The following HCRTR2 variants were observed in gnomAD, a reference collection of about 807,000 sequenced individuals.
HCRTR2 encodes orexin receptor type 2.
In HCRTR2, 22 loss-of-function variants were observed where a neutral mutation model predicts 49.0. The ratio of observed to expected loss-of-function variants is 0.45; its 90% CI spans 0.32 to 0.64. The LOEUF (loss-of-function observed/expected upper bound fraction) is 0.64. HCRTR2 is among the 30% of genes least tolerant of loss of function. The pLI is 0.04. For missense variants in HCRTR2, 491 were observed against 559.4 expected, an observed-to-expected ratio of 0.88 and a Z score of 1.23; for synonymous variants, 236 against 205.3, an observed-to-expected ratio of 1.15 and a Z score of -1.28.
chr6:55,222,485 C>T (rs1765918099), intron 1 of HCRTR2, among the ~76,000 whole-genome samples: 1 of 151,996 alleles, frequency 6.6e-6, no homozygotes. Flanking sequence ...TATTTGCACT[C>T]TCATGTTTAT....
intron 1 of HCRTR2, among the ~76,000 whole-genome samples, chr6:55,199,508 C>A (rs1295301253): frequency 2.0e-5 from 3 of 151,982 alleles, no homozygotes; most frequent in Non-Finnish European, 4.4e-5. Flanking sequence ...CCTTTCTTCT[C>A]CTAATCTATC....
At chr6:55,171,560 G>C (rs912688606), upstream of HCRTR2, among the ~76,000 whole-genome samples, 12 of 152,022 alleles carry the variant, frequency 7.9e-5, no homozygotes, top group African/African-American at 2.9e-4. Context: ...TTGCAAAAAA[G>C]AAAACAAGTA....
intron 1 of HCRTR2, among the ~76,000 whole-genome samples, chr6:55,236,613 C>T (rs1766219233): frequency 6.6e-6 from 1 of 152,054 alleles, no homozygotes; most frequent in Non-Finnish European, 1.5e-5. Flanking sequence ...GAGGGAAAGA[C>T]TATTTATGTG....
intron 1 of HCRTR2, among the ~76,000 whole-genome samples, chr6:55,128,509 G>A (rs541947631): frequency 6.2e-4 from 94 of 152,266 alleles, no homozygotes; most frequent in African/African-American, 2.2e-3. Flanking sequence ...AAATTGCTTA[G>A]GGCAGTATGG....
intron 1 of HCRTR2, among the ~76,000 whole-genome samples, chr6:55,211,476 ACT>A (rs1357016496): frequency 6.6e-6 from 1 of 152,156 alleles, no homozygotes; most frequent in African/African-American, 2.4e-5. Context: ...GAGAATATAG[ACT>A]TTTTCCCTCT....
intron 1 of HCRTR2, among the ~76,000 whole-genome samples, chr6:55,188,557 T>G (rs1297037261): frequency 6.6e-6 from 1 of 152,206 alleles, no homozygotes; most frequent in Admixed American, 6.6e-5. Context: ...TAAAGCATCC[T>G]GAACCAACGC....
At chr6:55,170,744 C>T (rs1764938107), upstream of HCRTR2, among the ~76,000 whole-genome samples, 1 of 117,754 alleles carries the variant, frequency 8.5e-6, no homozygotes, top group Non-Finnish European at 1.7e-5. Context: ...TCCCCCACCC[C>T]ACGACAGGTT....
At chr6:55,140,915 T>C (rs1764497297) in intron 1 of HCRTR2, among the ~76,000 whole-genome samples, 1 of 152,052 alleles carries the variant, frequency 6.6e-6, no homozygotes, top group Non-Finnish European at 1.5e-5. Flanking sequence ...GAAAAGAGAG[T>C]TCGGAAGCTG....
intron 1 of HCRTR2, among the ~76,000 whole-genome samples, chr6:55,203,072 C>T (rs557793661): frequency 7.2e-5 from 11 of 152,196 alleles, no homozygotes; most frequent in South Asian, 2.1e-4. Context: ...CCAGTTTTAC[C>T]GTTACATCAA....
chr6:55,153,802 AAAAT>A (rs1764694426), intron 1 of HCRTR2, among the ~76,000 whole-genome samples: 1 of 151,928 alleles, frequency 6.6e-6, no homozygotes, highest in Non-Finnish European at 1.5e-5. Flanking sequence ...GGTTAGATCA[AAAAT>A]AAATAATATA....
intron 1 of HCRTR2, chr6:55,240,730 C>A (rs1214564782): frequency 8.0e-6 from 3 of 375,812 alleles, no homozygotes; most frequent in Non-Finnish European, 1.1e-5. Context: ...TACTCCTGGT[C>A]AGCTTCCCAG....
At chr6:55,235,152 T>C (rs914135212) in intron 1 of HCRTR2, among the ~76,000 whole-genome samples, 3 of 152,106 alleles carry the variant, frequency 2.0e-5, no homozygotes, top group African/African-American at 7.2e-5. Flanking sequence ...CAAATCAGTA[T>C]ACGGATTTCC....
At chr6:55,177,927 G>C (rs1765068594) in intron 1 of HCRTR2, among the ~76,000 whole-genome samples, 1 of 152,146 alleles carries the variant, frequency 6.6e-6, no homozygotes. Context: ...GAAATTTTAA[G>C]TTCTAAGGAA....
At chr6:55,214,873 T>C (rs967346963) in intron 1 of HCRTR2, among the ~76,000 whole-genome samples, 29 of 151,808 alleles carry the variant, frequency 1.9e-4, no homozygotes, top group Non-Finnish European at 3.8e-4. Context: ...AACTTGAAGA[T>C]GGGTCATTTG....
At chr6:55,162,304 C>T (rs1017594573) in intron 1 of HCRTR2, among the ~76,000 whole-genome samples, 1 of 152,180 alleles carries the variant, frequency 6.6e-6, no homozygotes, top group Non-Finnish European at 1.5e-5. Flanking sequence ...ATGCTAAAAA[C>T]TCTCAATAAG....
chr6:55,265,924 C>T (rs939619324), intron 4 of HCRTR2, among the ~76,000 whole-genome samples: 15 of 152,092 alleles, frequency 9.9e-5, no homozygotes, highest in Non-Finnish European at 1.5e-5. Flanking sequence ...TTCTCAGTTT[C>T]TATTTCTATT....
In HCRTR2 at chr6:55,126,067, C is replaced by T. The variant is rs186255063; in HGVS notation, c.-378+19522C>T. Among the ~76,000 whole-genome samples, 1,090 of 152,234 alleles carry T rather than the reference C, an allele frequency of 7.2e-3. 9 individuals carry two copies. Among genetic ancestry groups the T allele is most frequent in the Middle Eastern group, 0.017 (5 of 294 alleles). ...CCTTGCATTGGGTTAGAACATGCTCCTTTAGCTTAGAGGAGTTTGTTATTA... is the reference window on the plus strand; with the variant it reads ...CCTTGCATTGGGTTAGAACATGCTCTTTTAGCTTAGAGGAGTTTGTTATTA... On this transcript the variant is annotated intron_variant, in intron 1 of 7. Transcript: ENST00000615358.
chr6:55,189,960 T>C (rs1765289087), intron 1 of HCRTR2, among the ~76,000 whole-genome samples: 1 of 152,142 alleles, frequency 6.6e-6, no homozygotes, highest in African/African-American at 2.4e-5. Context: ...CCACGTGCAG[T>C]TGTCCAGCAG....
chr6:55,264,035 G>A, intron 4 of HCRTR2: 1 of 509,224 alleles, frequency 2.0e-6, no homozygotes, highest in African/African-American at 1.9e-5. Context: ...ATATGTCTAG[G>A]CATTTTTAGA....
Sources: allele counts gnomAD v4.1 joint callset (sites outside exome capture counted in the v4.1 genomes callset), GRCh38; gene constraint gnomAD v4.1.1; transcripts MANE v1.5; gene names NCBI Gene and HGNC (gene_info 2026-07-23, HGNC 2026-07-21).